The following CIZ1 variants were observed in gnomAD, a reference collection of about 807,000 sequenced individuals.
CIZ1 encodes cip1-interacting zinc finger protein.
In CIZ1, 58 loss-of-function variants were observed where a neutral mutation model predicts 118.6. The observed-to-expected ratio is 0.49, with a 90% CI of 0.40 to 0.61. The LOEUF is 0.61. Among genes scored for constraint, CIZ1 ranks in the 20% least tolerant of loss-of-function variants. The pLI is 0.00. For synonymous variants in CIZ1, 448 were observed against 443.4 expected, an observed-to-expected ratio of 1.01 and a Z score of -0.13; for missense variants, 921 against 1,115.9, an observed-to-expected ratio of 0.83 and a Z score of 2.49.
chr9:128,174,093 T>C, intron 11 of CIZ1, among the ~76,000 whole-genome samples: 1 of 151,282 alleles, frequency 6.6e-6, no homozygotes, highest in Non-Finnish European at 1.5e-5. Flanking sequence ...CCTGGGGGCT[T>C]TGAGGAGGGA....
intron 2 of CIZ1, 62 bp downstream of exon 2, chr9:128,190,626 A>T: frequency 6.6e-7 from 1 of 1,521,232 alleles, no homozygotes; most frequent in Non-Finnish European, 8.8e-7. Context: ...GGGGATCGGG[A>T]GCTCCGAGAC....
At chr9:128,174,228 A>C (rs1276454937) in intron 11 of CIZ1, among the ~76,000 whole-genome samples, 1 of 152,178 alleles carries the variant, frequency 6.6e-6, no homozygotes, top group East Asian at 1.9e-4. Context: ...TGGCCTGCCT[A>C]GGCCTAGCCA....
upstream of CIZ1, chr9:128,191,648 C>T (rs1833170700): frequency 8.1e-7 from 1 of 1,233,852 alleles, no homozygotes; most frequent in Admixed American, 4.3e-5. This position sits in a 1 kb window ranked among gnomAD's most constrained non-coding sequence, Gnocchi z 5.5. Flanking sequence ...GGCCGCGCCA[C>T]CCGAGCCCGC....
chr9:128,172,735 A>G (rs1830300724), intron 11 of CIZ1, among the ~76,000 whole-genome samples: 1 of 152,154 alleles, frequency 6.6e-6, no homozygotes, highest in African/African-American at 2.4e-5. Flanking sequence ...CTAGGTCAAA[A>G]TGTAAACAGT....
At chr9:128,167,479 C>T (rs1829579475) in intron 14 of CIZ1, 1 of 322,798 alleles carries the variant, frequency 3.1e-6, no homozygotes, top group South Asian at 5.4e-5. Flanking sequence ...CTCATAACAG[C>T]CCTCTATGGC....
chr9:128,190,763 T>TGCTGCAATTGCTGCTGCTGGA lies in CIZ1; in HGVS notation c.74_94dup (p.Leu25_Gln31dup), dbSNP rs1329700435. 13 of 1,538,544 alleles carry TGCTGCAATTGCTGCTGCTGGA rather than the reference T, an allele frequency of 8.4e-6. 1 individual carries two copies. The highest frequency in any genetic ancestry group is 1.1e-5 in the Non-Finnish European group (12 of 1,139,870). On this transcript the variant is annotated inframe_insertion, in exon 2 of 17. Transcript: ENST00000372938. ...CTGCTGGAGCTGCAGTAACTGCTGC[T>TGCTGCAATTGCTGCTGCTGGA]GCTGCAATTGCTGCTGCTGGAGCTG...
rs1391138416 is a variant in CIZ1 at position 128,180,494 on chromosome 9, T to C, written c.712A>G (p.Ile238Val). The C allele has an allele frequency of 1.4e-5, 22 of 1,614,026 alleles. No homozygotes were observed. The highest frequency in any genetic ancestry group is 1.6e-5 in the Non-Finnish European group (19 of 1,180,020). ...DQDLPPCPED[I>V]AKEKRTPAPE... Reference sequence around the variant, plus strand: ...GCTGGAGTGCGTTTTTCCTTGGCGATGTCCTCTGGGCAGGGCGGTAAATCT... The same window carrying C: ...GCTGGAGTGCGTTTTTCCTTGGCGACGTCCTCTGGGCAGGGCGGTAAATCT... The change falls in exon 7 of 17, where the codon ATC becomes GTC. Residue 238 changes from isoleucine (I) to valine (V), a missense_variant. Physicochemically the swap from Ile to Val is conservative, Grantham distance 29. Coordinates refer to ENST00000372938, the MANE Select transcript of CIZ1 (RefSeq NM_001131016.2).
Position 128,169,393 on chromosome 9 carries a change from G to A in CIZ1, c.2145+13C>T, listed in dbSNP as rs201094923. 6,531 of 1,605,114 alleles carry A rather than the reference G, an allele frequency of 4.1e-3. 23 individuals are homozygous for A. The highest frequency in any genetic ancestry group is 5.0e-3 in the Non-Finnish European group (5,896 of 1,171,762). On this transcript the variant is annotated intron_variant, in intron 13 of 16. Transcript: ENST00000372938. ...CTCTCTGGGCCCATGTCCTCTGAGG[G>A]AGCTCAGGTTACCTCCTTGGCTTTG...
Position 128,166,876 on chromosome 9 carries a change from C to T in CIZ1, c.2370G>A (p.Val790=). The change falls in exon 16 of 17, where the codon GTG becomes GTA. Residue 790 remains valine, a synonymous_variant. Coordinates refer to ENST00000372938, the MANE Select transcript of CIZ1 (RefSeq NM_001131016.2). The surrounding 1 kb of genome is among the most constrained non-coding windows in gnomAD (Gnocchi z 4.4). Reference sequence around the variant, plus strand: ...AGCCCATCACGGGCACCAGGAAGTCCACACCTGTAGGATGGGATGGCAGGG... The same window carrying T: ...AGCCCATCACGGGCACCAGGAAGTCTACACCTGTAGGATGGGATGGCAGGG... ...ETYSPNTAYG[V]DFLVPVMGYI... The T allele has an allele frequency of 6.2e-7, 1 of 1,614,198 alleles. No individual in the cohort carries two copies. Among genetic ancestry groups the T allele is most frequent in the Non-Finnish European group, 8.5e-7 (1 of 1,180,022 alleles).
At position 128,178,510 on chromosome 9, in the gene CIZ1, G is replaced by A. The variant is rs914525216; in HGVS notation, c.1499-20C>T. 3.1e-6 allele frequency: 5 copies of A among 1,613,958 alleles called. No homozygotes were observed. The highest frequency in any genetic ancestry group is 1.3e-5 in the African/African-American group (1 of 74,940). On this transcript the variant is annotated intron_variant, in intron 8 of 16. Coordinates refer to ENST00000372938, the MANE Select transcript of CIZ1 (RefSeq NM_001131016.2). Reference sequence around the variant, plus strand: ...CCATGCCTGAAATGACAGATGTGCTGTATTTCCCAGAGTCCCCAGGCCCAA... The same window carrying A: ...CCATGCCTGAAATGACAGATGTGCTATATTTCCCAGAGTCCCCAGGCCCAA...
intron 11 of CIZ1, among the ~76,000 whole-genome samples, chr9:128,173,135 CTTTTTTTTTTTTTT>C (rs957423189): frequency 3.7e-5 from 3 of 80,796 alleles, no homozygotes; most frequent in East Asian, 4.7e-4. Flanking sequence ...TGGCTAATTT[CTTTTTTTTTTTTTT>C]TTTTTTTTTT....
rs1829913112 is a variant in CIZ1, at chr9:128,169,810, CAGGTGAGATGGGGCCTGGCCTACACTGG to C, written c.2031+182_2031+209del. 3.2e-5 allele frequency: 39 copies of C among 1,204,672 alleles called. No individual in the cohort carries two copies. The Admixed American group carries it at 3.6e-4, about 11-fold the overall frequency. The allele number at this position is 1,204,672 out of a possible 1,614,324, so 74.6% of individuals were successfully genotyped here. A position where few individuals can be genotyped will look rare whatever the true frequency, so the allele number is the denominator to read the frequency against. ...CCCTGTGAGCCCCGTGGCTGAATGGCAGGTGAGATGGGGCCTGGCCTACACTGGACAGATGGGGAACCTGAAGCCCGAA... is the reference window on the plus strand; with the variant it reads ...CCCTGTGAGCCCCGTGGCTGAATGGCACAGATGGGGAACCTGAAGCCCGAA... On this transcript the variant is annotated intron_variant, in intron 12 of 16. Transcript: ENST00000372938.
chr9:128,177,528 G>GCCCCCCCCCAACCCA, intron 10 of CIZ1, 38 bp downstream of exon 10: 1 of 1,164,646 alleles, frequency 8.6e-7, no homozygotes, highest in Non-Finnish European at 1.2e-6. Context: ...TTCCACGCAG[G>GCCCCCCCCCAACCCA]CCCCACCCCT....
At chr9:128,198,907 C>T (rs1833443124) in intron 1 of CIZ1, among the ~76,000 whole-genome samples, 1 of 152,034 alleles carries the variant, frequency 6.6e-6, no homozygotes. Context: ...AGAAAACCAT[C>T]GATTACCAGA....
At position 128,190,739 on chromosome 9, in the gene CIZ1, T is replaced by C; in HGVS notation, c.119A>G (p.Gln40Arg). 6.5e-7 allele frequency: 1 copy of C among 1,548,790 alleles called. No homozygotes were observed. Residue 40 changes from glutamine to arginine, a missense_variant, in exon 2 of 17, where the codon CAG becomes CGG. By Grantham distance (43) the Gln-to-Arg change is conservative (BLOSUM62 1). Transcript: ENST00000372938. ...CTGTGGTGGGGACTGCTGGAGCAGC[T>C]GCTGGAGCTGCAGTAACTGCTGCTG... ...LQQQQLLQLQ[Q>R]LLQQSPPQAP... is the part of the protein sequence containing the mutation.
intron 14 of CIZ1, 145 bp from the exon 15 acceptor site, chr9:128,167,309 C>G: frequency 1.6e-6 from 1 of 626,000 alleles, no homozygotes; most frequent in South Asian, 2.0e-5. Flanking sequence ...TTCTCTGAGC[C>G]TTTGCACATG....
chr9:128,189,315 T>G (rs1832838911), intron 3 of CIZ1, among the ~76,000 whole-genome samples: 1 of 152,178 alleles, frequency 6.6e-6, no homozygotes, highest in Non-Finnish European at 1.5e-5. Context: ...TGTATGGTTC[T>G]CTCTCTCTAC....
intron 5 of CIZ1, among the ~76,000 whole-genome samples, chr9:128,182,380 A>T (rs1831779813): frequency 6.6e-6 from 1 of 152,058 alleles, no homozygotes; most frequent in Admixed American, 6.5e-5. Context: ...ACCTCAGATG[A>T]TCTGCCCGCC....
chr9:128,185,539 C>T lies in CIZ1; in HGVS notation c.588+8G>A, dbSNP rs1832254850. 2 of 1,316,346 alleles carry T rather than the reference C, an allele frequency of 1.5e-6. No individual in the cohort carries two copies. The highest frequency in any genetic ancestry group is 2.1e-6 in the Non-Finnish European group (2 of 968,598). 81.5% of individuals were successfully genotyped at this position (1,316,346 alleles called of 1,614,324 possible). ...TCCCGCCCACTCCCATCCCCACCTACCACTCACCTTTCGATTGGGGGTGGT... is the reference window on the plus strand; with the variant it reads ...TCCCGCCCACTCCCATCCCCACCTATCACTCACCTTTCGATTGGGGGTGGT... On this transcript the variant is annotated splice_region_variant and intron_variant, in intron 5 of 16. Transcript: ENST00000372938.
Sources: gnomAD v4.1 joint callset for allele counts (sites outside exome capture counted in the v4.1 genomes callset) on GRCh38, gnomAD v4.1.1 for gene constraint, Gnocchi (gnomAD v3.1) non-coding constraint, MANE v1.5 for transcripts, NCBI Gene and HGNC (gene_info 2026-07-23, HGNC 2026-07-21) for gene names.